Variants in ST18 observed in about 807,000 individuals in gnomAD.
ST18 encodes the protein ST18 C2H2C-type zinc finger transcription factor.
In ST18, 50 loss-of-function variants were observed where a neutral mutation model predicts 110.0. The ratio of observed to expected loss-of-function variants is 0.45; its 90% CI spans 0.36 to 0.58. The LOEUF (loss-of-function observed/expected upper bound fraction) is 0.58. ST18 is among the 20% of genes least tolerant of loss of function. The pLI, the probability that ST18 is intolerant of heterozygous loss-of-function variation, is 0.00. For synonymous variants in ST18, 461 were observed against 452.4 expected (o/e 1.02, Z -0.24); for missense variants, 1,306 against 1,280.1 (o/e 1.02, Z -0.31).
intron 15 of ST18, among the ~76,000 whole-genome samples, chr8:52,155,687 G>A (rs1490094519): frequency 2.0e-5 from 3 of 152,146 alleles, no homozygotes; most frequent in South Asian, 2.1e-4. Context: ...TATTTTTAGA[G>A]TGTGTAGGAA....
intron 8 of ST18, among the ~76,000 whole-genome samples, chr8:52,207,857 T>C (rs1003965555): frequency 3.9e-5 from 6 of 152,216 alleles, no homozygotes; most frequent in Admixed American, 2.6e-4. Flanking sequence ...ACTTTGCCAA[T>C]GCAAGAGACA....
chr8:52,340,342 G>A (rs932414509), intron 2 of ST18, among the ~76,000 whole-genome samples: 1 of 152,192 alleles, frequency 6.6e-6, no homozygotes, highest in Non-Finnish European at 1.5e-5. Flanking sequence ...CGTTTTATGT[G>A]CCCTGAAGCT....
intron 2 of ST18, chr8:52,407,059 A>G (rs1844769627): frequency 6.6e-6 from 1 of 152,230 alleles, no homozygotes; most frequent in Non-Finnish European, 1.5e-5. Context: ...ATTACAGAAT[A>G]AAATTTAGTG....
intron 2 of ST18, chr8:52,403,240 G>A (rs4873640): frequency 0.22 from 34,082 of 152,188 alleles, 4,089 homozygotes; most frequent in South Asian, 0.3. Flanking sequence ...CAGGCCTCAG[G>A]GATAAACAGA....
Position 52,309,049 on chromosome 8 carries a change from A to G in ST18, c.-464-78972T>C, listed in dbSNP as rs552927982. Among the ~76,000 whole-genome samples the G allele has an allele frequency of 1.8e-3, 275 of 152,306 alleles. 2 individuals carry two copies. The highest frequency in any genetic ancestry group is 6.4e-3 in the African/African-American group (264 of 41,570). ...AGCCAAGGGGAAAAAACAAAACCTC[A>G]TCTTCCTTCTGATGAATAATAAAGA... On this transcript the variant is annotated intron_variant, in intron 2 of 25. Coordinates refer to ENST00000689386, the MANE Select transcript of ST18 (RefSeq NM_001352837.2).
intron 2 of ST18, among the ~76,000 whole-genome samples, chr8:52,279,620 C>T (rs1361678788): frequency 1.3e-5 from 2 of 152,056 alleles, no homozygotes; most frequent in Non-Finnish European, 2.9e-5. Flanking sequence ...TTAATAAAGA[C>T]ACAAGAATAT....
intron 2 of ST18, chr8:52,404,129 A>C (rs1290133030): frequency 1.3e-5 from 2 of 152,234 alleles, no homozygotes; most frequent in Non-Finnish European, 2.9e-5. Flanking sequence ...ATTTATGACA[A>C]TCTCATAAAG....
intron 2 of ST18, among the ~76,000 whole-genome samples, chr8:52,306,874 C>T (rs2095821959): frequency 6.6e-6 from 1 of 152,098 alleles, no homozygotes; most frequent in African/African-American, 2.4e-5. Context: ...ACTTTTGCAC[C>T]AACCTAATAT....
intron 10 of ST18, among the ~76,000 whole-genome samples, chr8:52,170,724 G>A (rs775413406): frequency 3.7e-4 from 56 of 152,270 alleles, no homozygotes; most frequent in Admixed American, 2.6e-4. Flanking sequence ...AACCCTTGCA[G>A]GATGTTTGCA....
At chr8:52,201,722 C>T (rs545093682) in intron 8 of ST18, among the ~76,000 whole-genome samples, 1 of 152,250 alleles carries the variant, frequency 6.6e-6, no homozygotes, top group African/African-American at 2.4e-5. Context: ...TGGGTCCTGG[C>T]AGTCACTTTG....
chr8:52,248,800 A>G (rs2094060063), intron 2 of ST18, among the ~76,000 whole-genome samples: 2 of 152,294 alleles, frequency 1.3e-5, no homozygotes, highest in African/African-American at 2.4e-5. Flanking sequence ...AATTAAATAC[A>G]AGAGGAAAAG....
intron 2 of ST18, among the ~76,000 whole-genome samples, chr8:52,359,398 A>G (rs1057475528): frequency 3.3e-5 from 5 of 151,478 alleles, no homozygotes; most frequent in African/African-American, 1.2e-4. Flanking sequence ...AAGAAAGCGA[A>G]CCTGCCATAA....
At chr8:52,163,859 C>T in intron 13 of ST18, 127 bp downstream of exon 13, 2 of 644,144 alleles carry the variant, frequency 3.1e-6, no homozygotes, top group Non-Finnish European at 5.4e-6. Context: ...GTGGGCTGCA[C>T]ACCCAGGTCT....
At chr8:52,114,724 G>T (rs1182430675) in intron 25 of ST18, among the ~76,000 whole-genome samples, 1 of 152,156 alleles carries the variant, frequency 6.6e-6, no homozygotes, top group Non-Finnish European at 1.5e-5. Flanking sequence ...GCAGGGCCGG[G>T]CCCACTTGCC....
At chr8:52,293,810 C>T (rs994074640) in intron 2 of ST18, among the ~76,000 whole-genome samples, 19 of 152,100 alleles carry the variant, frequency 1.2e-4, no homozygotes, top group African/African-American at 3.9e-4. Context: ...CATTTTTGAA[C>T]TGTAACACAC....
At chr8:52,389,470 G>A (rs930225564) in intron 2 of ST18, among the ~76,000 whole-genome samples, 1 of 152,196 alleles carries the variant, frequency 6.6e-6, no homozygotes, top group African/African-American at 2.4e-5. Context: ...CTTTGGTGGG[G>A]TCAAGGCACA....
At chr8:52,113,365 C>G in intron 25 of ST18, 27 bp from the exon 26 acceptor site, 1 of 1,610,962 alleles carries the variant, frequency 6.2e-7, no homozygotes, top group Non-Finnish European at 8.5e-7. Context: ...CACATTGACC[C>G]AATCACAGTG....
chr8:52,250,293 G>A (rs2094186021), intron 2 of ST18, among the ~76,000 whole-genome samples: 1 of 151,612 alleles, frequency 6.6e-6, no homozygotes, highest in African/African-American at 2.4e-5. Flanking sequence ...CAGACTGGCA[G>A]CAATCTGGGC....
rs150595764 is a variant in ST18, at chr8:52,137,514, C to G, written c.2169-31G>C. 4.8e-4 allele frequency: 767 copies of G among 1,611,282 alleles called. 3 individuals carry two copies. Among genetic ancestry groups the G allele is most frequent in the Non-Finnish European group, 5.4e-5 (64 of 1,177,990 alleles). On this transcript the variant is annotated intron_variant, in intron 17 of 25. Transcript: ENST00000689386. Reference sequence around the variant, plus strand: ...TCAATAGAAAATACATCATTAGAGTCAAGCGCATTTCCCAGGTTCATTTCC... The same window carrying G: ...TCAATAGAAAATACATCATTAGAGTGAAGCGCATTTCCCAGGTTCATTTCC...
Sources: allele counts gnomAD v4.1 joint callset (sites outside exome capture counted in the v4.1 genomes callset), GRCh38; gene constraint gnomAD v4.1.1; transcripts MANE v1.5; gene names NCBI Gene and HGNC (gene_info 2026-07-23, HGNC 2026-07-21).